POU3F3: variants seen among roughly 807,000 people sequenced by gnomAD.
POU3F3 encodes POU class 3 homeobox 3, also known as POU domain, class 3, transcription factor 3.
Under a neutral mutation model 8.6 loss-of-function variants are expected in POU3F3, and 1 was observed. The observed-to-expected ratio is 0.12, with a 90% confidence interval of 0.04 to 0.55. The LOEUF (loss-of-function observed/expected upper bound fraction) is 0.55, where lower values mean the gene tolerates loss of function less well. POU3F3 is among the 20% of genes least tolerant of loss of function. The pLI, the probability that POU3F3 is intolerant of heterozygous loss-of-function variation, is 0.91. For synonymous variants in POU3F3, 418 were observed against 327.4 expected (o/e 1.28, Z -2.99); for missense variants, 577 against 690.7 (o/e 0.84, Z 1.84).
At chr2:104,925,270 T>C in the POU3F3 span, among the ~76,000 whole-genome samples, 1 of 152,208 alleles carries the variant, frequency 6.6e-6, no homozygotes, top group East Asian at 1.9e-4. Context: ...TATGTCTTTA[T>C]TAGAGAACAC....
At chr2:104,883,608 C>G in the POU3F3 span, among the ~76,000 whole-genome samples, 1 of 152,200 alleles carries the variant, frequency 6.6e-6, no homozygotes, top group Non-Finnish European at 1.5e-5. Context: ...CTTCTTTTAG[C>G]ACCTGGGAGA....
At chr2:104,869,336 G>C in the POU3F3 span, among the ~76,000 whole-genome samples, 2 of 152,268 alleles carry the variant, frequency 1.3e-5, no homozygotes, top group Non-Finnish European at 2.9e-5. Flanking sequence ...GATAGGTTTT[G>C]TGACACAAAG....
chr2:104,881,858 C>T, the POU3F3 span, among the ~76,000 whole-genome samples: 1 of 152,198 alleles, frequency 6.6e-6, no homozygotes, highest in East Asian at 1.9e-4. Flanking sequence ...CAGACATGGG[C>T]AATCCACCTC....
rs1676528116 is a variant in POU3F3 at position 104,855,309 on chromosome 2, G to T, written c.-202G>T. Among the ~76,000 whole-genome samples, 1 of 146,538 alleles carries T rather than the reference G, an allele frequency of 6.8e-6. No individual in the cohort carries two copies. Among genetic ancestry groups the T allele is most frequent in the Non-Finnish European group, 1.5e-5 (1 of 65,928 alleles). On this transcript the variant is annotated 5_prime_UTR_variant, in exon 1 of 1. Transcript: ENST00000361360. ...GCCGGGGGCCGCGGCGGCGGCGGCG[G>T]CGGCGGGGGCGGAGGCGGCGGCGGA... is the stretch of plus-strand genomic sequence containing the variant.
chr2:104,873,220 C>CGTGTG, the POU3F3 span, among the ~76,000 whole-genome samples: 1 of 152,190 alleles, frequency 6.6e-6, no homozygotes, highest in African/African-American at 2.4e-5. Context: ...AAGGGGCTGT[C>CGTGTG]GTGTGCGTCC....
At chr2:104,919,898 G>A in the POU3F3 span, among the ~76,000 whole-genome samples, 10 of 151,980 alleles carry the variant, frequency 6.6e-5, no homozygotes, top group Admixed American at 3.3e-4. Context: ...CACACACAGA[G>A]GCGGCTGAAA....
the POU3F3 span, among the ~76,000 whole-genome samples, chr2:104,881,489 T>C: frequency 2.0e-5 from 3 of 152,094 alleles, no homozygotes; most frequent in Non-Finnish European, 4.4e-5. Flanking sequence ...ATGCAATGGT[T>C]ACACAGACGT....
the POU3F3 span, among the ~76,000 whole-genome samples, chr2:104,907,981 A>G: frequency 1.3e-5 from 2 of 152,118 alleles, no homozygotes; most frequent in Admixed American, 6.5e-5. Context: ...TTAAGAATGT[A>G]TGCACCTAGA....
chr2:104,915,283 C>T, the POU3F3 span, among the ~76,000 whole-genome samples: 6 of 152,298 alleles, frequency 3.9e-5, no homozygotes, highest in Non-Finnish European at 7.4e-5. Context: ...GTTCAGGAAG[C>T]ACCTGCAGAT....
the POU3F3 span, among the ~76,000 whole-genome samples, chr2:104,920,673 G>T: frequency 1.3e-5 from 2 of 152,090 alleles, no homozygotes; most frequent in Non-Finnish European, 2.9e-5. Context: ...CTTCCACCTT[G>T]AAGTCAATAC....
the POU3F3 span, among the ~76,000 whole-genome samples, chr2:104,885,990 T>G: frequency 6.6e-6 from 1 of 152,034 alleles, no homozygotes; most frequent in Non-Finnish European, 1.5e-5. Context: ...TGAGACGGGG[T>G]TTCACCATGT....
downstream of POU3F3, among the ~76,000 whole-genome samples, chr2:104,863,055 C>G (rs1198026742): frequency 6.6e-6 from 1 of 151,470 alleles, no homozygotes; most frequent in Non-Finnish European, 1.5e-5. Flanking sequence ...TCAACTGAAC[C>G]CTTTTGAAAC....
Position 104,856,391 on chromosome 2 carries a change from ACGGCGGCGG to A in POU3F3, c.893_901del (p.Gly298_Gly300del), listed in dbSNP as rs546400611. ...CACCACGCGCAGGGACCCCCGCACC[ACGGCGGCGG>A]CGGCGGCGGCGCGGGGCCTGGACTC... On this transcript the variant is annotated inframe_deletion, in exon 1 of 1. Transcript: ENST00000361360. The A allele has an allele frequency of 1.3e-6, 2 of 1,565,746 alleles. No individual in the cohort carries two copies. The highest frequency in any genetic ancestry group is 1.7e-6 in the Non-Finnish European group (2 of 1,158,124).
chr2:104,888,872 T>C, the POU3F3 span, among the ~76,000 whole-genome samples: 2 of 152,200 alleles, frequency 1.3e-5, no homozygotes, highest in African/African-American at 4.8e-5. Flanking sequence ...TCCCAAATCA[T>C]ACCACTGAAA....
the POU3F3 span, among the ~76,000 whole-genome samples, chr2:104,863,740 C>G: frequency 1.3e-5 from 2 of 152,098 alleles, no homozygotes; most frequent in Non-Finnish European, 2.9e-5. Context: ...TTTGTCTTCC[C>G]GAAGGATGCG....
At chr2:104,916,201 T>A in the POU3F3 span, among the ~76,000 whole-genome samples, 1 of 152,180 alleles carries the variant, frequency 6.6e-6, no homozygotes, top group Non-Finnish European at 1.5e-5. Flanking sequence ...AGCTCAAGAT[T>A]TACAGAGCCT....
At chr2:104,877,186 TAG>T in the POU3F3 span, among the ~76,000 whole-genome samples, 1 of 152,132 alleles carries the variant, frequency 6.6e-6, no homozygotes, top group Non-Finnish European at 1.5e-5. Flanking sequence ...AAGGGCTTTG[TAG>T]TGCTTGGATC....
chr2:104,923,398 G>A, the POU3F3 span, among the ~76,000 whole-genome samples: 2 of 152,140 alleles, frequency 1.3e-5, no homozygotes, highest in Non-Finnish European at 2.9e-5. Context: ...AAGGGGGTAG[G>A]GAAGGGACTG....
chr2:104,888,231 A>C, the POU3F3 span, among the ~76,000 whole-genome samples: 3 of 152,358 alleles, frequency 2.0e-5, no homozygotes, highest in Non-Finnish European at 1.5e-5. Context: ...TTGTGGGGCA[A>C]ACATTAGATA....
Sources: allele counts gnomAD v4.1 joint callset (sites outside exome capture counted in the v4.1 genomes callset), GRCh38; gene constraint gnomAD v4.1.1; transcripts MANE v1.5; gene names NCBI Gene and HGNC (gene_info 2026-07-23, HGNC 2026-07-21).